Variants in KCNQ5 observed in about 807,000 individuals in gnomAD.
KCNQ5 encodes the protein potassium voltage-gated channel subfamily KQT member 5.
Under a neutral mutation model 98.2 loss-of-function variants are expected in KCNQ5, and 30 were observed. That is an observed-to-expected ratio of 0.31 (90% CI 0.23 to 0.41). KCNQ5 has a LOEUF of 0.41. Ranked by LOEUF, KCNQ5 falls within the 10% of genes least tolerant of loss-of-function variation. The pLI, the probability that KCNQ5 is intolerant of heterozygous loss-of-function variation, is 1.00. For missense variants in KCNQ5, 835 were observed against 1,182.5 expected (o/e 0.71, Z 4.31); for synonymous variants, 458 against 449.4 (o/e 1.02, Z -0.24).
intron 1 of KCNQ5, among the ~76,000 whole-genome samples, chr6:72,961,685 A>G (rs998640564): frequency 6.6e-6 from 1 of 150,472 alleles, no homozygotes; most frequent in African/African-American, 2.4e-5. Flanking sequence ...GGGGATTTGG[A>G]CGGGCTGAGA....
At chr6:72,711,243 A>G (rs1769356714) in intron 1 of KCNQ5, among the ~76,000 whole-genome samples, 1 of 151,992 alleles carries the variant, frequency 6.6e-6, no homozygotes, top group South Asian at 2.1e-4. Context: ...AGAAGTAGCC[A>G]TTTACAAACC....
intron 10 of KCNQ5, among the ~76,000 whole-genome samples, chr6:73,166,076 C>T (rs761217054): frequency 2.0e-5 from 3 of 152,116 alleles, no homozygotes; most frequent in Non-Finnish European, 4.4e-5. Context: ...CCAGGTGTCG[C>T]TCGGCAAGTT....
chr6:73,192,525 C>A, intron 12 of KCNQ5, 40 bp from the exon 13 acceptor site: 2 of 1,552,770 alleles, frequency 1.3e-6, no homozygotes, highest in South Asian at 1.3e-5. Flanking sequence ...GCAATCTCCA[C>A]CTTCAGCCCT....
At chr6:73,136,104 G>A (rs1229672950) in intron 10 of KCNQ5, 1 of 152,192 alleles carries the variant, frequency 6.6e-6, no homozygotes, top group Non-Finnish European at 1.5e-5. Context: ...CCACATCACA[G>A]CATCCCTGGA....
chr6:73,194,700 T>C lies in KCNQ5; in HGVS notation c.2085T>C (p.Asn695=), dbSNP rs571372519. The C allele has an allele frequency of 8.6e-5, 139 of 1,614,234 alleles. No individual in the cohort carries two copies. The South Asian group carries it at 1.3e-3, about 15-fold the overall frequency. Reference sequence around the variant, plus strand: ...GCCTGCAGTTCATTCTGACGCCAAATGAGTTCAGTGCCCAGACTTTCTACG... The same window carrying C: ...GCCTGCAGTTCATTCTGACGCCAAACGAGTTCAGTGCCCAGACTTTCTACG... The part of the protein sequence containing the change: ...SRGLQFILTP[N]EFSAQTFYAL... The change falls in exon 14 of 14, where the codon AAT becomes AAC. Residue 695 remains asparagine (N), a synonymous_variant. Coordinates refer to ENST00000370398, the MANE Select transcript of KCNQ5 (RefSeq NM_019842.4).
chr6:72,712,441 C>T (rs967553246), intron 1 of KCNQ5, among the ~76,000 whole-genome samples: 3 of 152,170 alleles, frequency 2.0e-5, no homozygotes, highest in African/African-American at 7.2e-5. Flanking sequence ...GCAAGACCAG[C>T]TTTAAAATAC....
At chr6:73,183,823 A>G (rs1249528368) in intron 11 of KCNQ5, among the ~76,000 whole-genome samples, 2 of 152,214 alleles carry the variant, frequency 1.3e-5, no homozygotes, top group Non-Finnish European at 2.9e-5. Flanking sequence ...TGGCATCTTC[A>G]TTCACAGAGT....
chr6:72,645,204 C>CAAAAA (rs771967081), intron 1 of KCNQ5, among the ~76,000 whole-genome samples: 2 of 117,154 alleles, frequency 1.7e-5, no homozygotes, highest in East Asian at 2.6e-4. Context: ...ACCTTGTCAC[C>CAAAAA]AAAAAAAAAC....
At chr6:72,952,786 C>T (rs764274680) in intron 1 of KCNQ5, among the ~76,000 whole-genome samples, 3 of 152,168 alleles carry the variant, frequency 2.0e-5, no homozygotes, top group Non-Finnish European at 2.9e-5. Context: ...AGACCTTTCT[C>T]GGGAATCTTC....
chr6:72,883,582 C>T (rs755541172), intron 1 of KCNQ5, among the ~76,000 whole-genome samples: 3 of 152,046 alleles, frequency 2.0e-5, no homozygotes, highest in Non-Finnish European at 4.4e-5. Context: ...CTCAGGAAGA[C>T]AGGAGTCAAA....
chr6:72,837,028 T>A (rs1776534981), intron 1 of KCNQ5, among the ~76,000 whole-genome samples: 1 of 152,230 alleles, frequency 6.6e-6, no homozygotes, highest in Non-Finnish European at 1.5e-5. Flanking sequence ...AAAATTTGCA[T>A]ATTTCTGTTC....
At chr6:72,793,476 C>T (rs964040303) in intron 1 of KCNQ5, among the ~76,000 whole-genome samples, 2 of 152,174 alleles carry the variant, frequency 1.3e-5, no homozygotes, top group African/African-American at 2.4e-5. Context: ...TGTAATCAAG[C>T]AGATCATGCC....
intron 2 of KCNQ5, among the ~76,000 whole-genome samples, chr6:73,014,485 C>T (rs1035994609): frequency 2.6e-5 from 4 of 152,036 alleles, no homozygotes; most frequent in Admixed American, 6.6e-5. Context: ...ACAAATGGAT[C>T]GTGCTCAGCA....
At chr6:73,154,134 C>G (rs1378086058) in intron 10 of KCNQ5, among the ~76,000 whole-genome samples, 2 of 151,886 alleles carry the variant, frequency 1.3e-5, no homozygotes, top group Non-Finnish European at 2.9e-5. Flanking sequence ...ATCATTTCTA[C>G]AGCCTAAAAA....
chr6:72,986,860 C>T (rs1768803661), intron 1 of KCNQ5: 7 of 970,618 alleles, frequency 7.2e-6, no homozygotes, highest in African/African-American at 1.6e-5. Flanking sequence ...CAGTCCAGAA[C>T]CCTTGGTTCT....
At chr6:72,769,544 A>G (rs1772750277) in intron 1 of KCNQ5, among the ~76,000 whole-genome samples, 1 of 151,814 alleles carries the variant, frequency 6.6e-6, no homozygotes, top group South Asian at 2.1e-4. Context: ...TTTTTTTTTA[A>G]AGCTCTGTAG....
At chr6:73,017,479 T>C (rs751181887) in intron 2 of KCNQ5, among the ~76,000 whole-genome samples, 3 of 152,044 alleles carry the variant, frequency 2.0e-5, no homozygotes, top group Non-Finnish European at 4.4e-5. Flanking sequence ...CTGGAAGCAA[T>C]AGGGTAGGTC....
chr6:72,867,233 A>T (rs1303270320), intron 1 of KCNQ5, among the ~76,000 whole-genome samples: 6 of 152,252 alleles, frequency 3.9e-5, no homozygotes, highest in African/African-American at 1.4e-4. Flanking sequence ...AGAGTTTCTC[A>T]CAGTTTTCTT....
chr6:72,833,837 T>A (rs1776391661), intron 1 of KCNQ5, among the ~76,000 whole-genome samples: 1 of 152,150 alleles, frequency 6.6e-6, no homozygotes, highest in South Asian at 2.1e-4. Context: ...CATATTTATA[T>A]GATGGAATAA....
Sources: gnomAD v4.1 joint callset for allele counts (sites outside exome capture counted in the v4.1 genomes callset) on GRCh38, gnomAD v4.1.1 for gene constraint, MANE v1.5 for transcripts, NCBI Gene and HGNC (gene_info 2026-07-23, HGNC 2026-07-21) for gene names.